MBTD1: variants seen among roughly 807,000 people sequenced by gnomAD.
MBTD1 encodes the protein mbt domain containing 1.
Under a neutral mutation model 87.8 loss-of-function variants are expected in MBTD1, and 24 were observed. The ratio of observed to expected loss-of-function variants is 0.27; its 90% confidence interval spans 0.20 to 0.38. The LOEUF is 0.38. Among genes scored for constraint, MBTD1 ranks in the 10% least tolerant of loss-of-function variants. The probability of loss-of-function intolerance (pLI) is 1.00; values close to 1 mark genes in which losing one functional copy is unlikely to be tolerated. For missense variants in MBTD1, 436 were observed against 760.2 expected (o/e 0.57, Z 5.02); for synonymous variants, 237 against 248.6 (o/e 0.95, Z 0.44).
At chr17:51,192,689 G>C in intron 15 of MBTD1, 93 bp downstream of exon 15, 1 of 1,561,726 alleles carries the variant, frequency 6.4e-7, no homozygotes, top group South Asian at 1.2e-5. Context: ...GTATATTCTT[G>C]TCCTGTGAGC....
intron 2 of MBTD1, among the ~76,000 whole-genome samples, chr17:51,248,692 A>T (rs1057446763): frequency 6.6e-6 from 1 of 152,220 alleles, no homozygotes; most frequent in African/African-American, 2.4e-5. Context: ...TGTTACATGT[A>T]TAAATGGTTT....
chr17:51,188,489 C>T (rs908055657), intron 16 of MBTD1, among the ~76,000 whole-genome samples: 1 of 152,164 alleles, frequency 6.6e-6, no homozygotes, highest in South Asian at 2.1e-4. Flanking sequence ...AGCAACAGAG[C>T]CAGAATATGA....
At chr17:51,235,739 T>C (rs2053794245) in intron 2 of MBTD1, among the ~76,000 whole-genome samples, 1 of 152,200 alleles carries the variant, frequency 6.6e-6, no homozygotes, top group South Asian at 2.1e-4. Flanking sequence ...CTTCCCAAAT[T>C]GATTTATGAT....
chr17:51,206,003 C>G (rs1292175948), intron 7 of MBTD1, among the ~76,000 whole-genome samples: 1 of 152,158 alleles, frequency 6.6e-6, no homozygotes, highest in Non-Finnish European at 1.5e-5. Flanking sequence ...CCCTACTACA[C>G]TACTCACTGA....
chr17:51,251,767 T>C (rs563569466), intron 2 of MBTD1: 1 of 152,358 alleles, frequency 6.6e-6, no homozygotes, highest in South Asian at 2.1e-4. Context: ...AGTTTATTTG[T>C]AAATTCTACA....
At chr17:51,257,707 G>C (rs1156397758) in intron 2 of MBTD1, among the ~76,000 whole-genome samples, 1 of 152,050 alleles carries the variant, frequency 6.6e-6, no homozygotes, top group Non-Finnish European at 1.5e-5. Context: ...TTTAAAGTAA[G>C]CAGGAAAAAA....
intron 2 of MBTD1, among the ~76,000 whole-genome samples, chr17:51,244,731 C>A (rs1002035040): frequency 6.8e-6 from 1 of 147,524 alleles, no homozygotes; most frequent in Non-Finnish European, 1.5e-5. Context: ...TGACATACTT[C>A]CATCTTTTTT....
chr17:51,199,831 T>C (rs1441493553), intron 12 of MBTD1, among the ~76,000 whole-genome samples: 1 of 145,424 alleles, frequency 6.9e-6, no homozygotes, highest in Non-Finnish European at 1.5e-5. Context: ...TCTTTTTTTC[T>C]GTTTTTTTTT....
In MBTD1 at chr17:51,190,750, AAT is replaced by A. The variant is rs1555677186; in HGVS notation, c.1768+1451_1768+1452del. ...AAAAAAAAAAAAAAAAAAAAAAAAA[AAT>A]ATATATATATATATATATAACCTTA... On this transcript the variant is annotated intron_variant, in intron 16 of 16. Coordinates refer to ENST00000586178, the MANE Select transcript of MBTD1 (RefSeq NM_017643.3). Among the ~76,000 whole-genome samples, 255 of 39,712 alleles carry A rather than the reference AAT, an allele frequency of 6.4e-3. 6 individuals are homozygous for A. The highest frequency in any genetic ancestry group is 0.029 in the Middle Eastern group (2 of 70). 26.1% of individuals were successfully genotyped at this position (39,712 alleles called of 152,430 possible). A position where few individuals can be genotyped will look rare whatever the true frequency, so the allele number is the denominator to read the frequency against.
At chr17:51,182,281 T>C (rs1173364668) in intron 16 of MBTD1, among the ~76,000 whole-genome samples, 1 of 152,070 alleles carries the variant, frequency 6.6e-6, no homozygotes, top group Non-Finnish European at 1.5e-5. Context: ...TGTGCCACCA[T>C]GCCTGGCGAA....
chr17:51,194,164 T>C (rs1424717937), intron 13 of MBTD1, among the ~76,000 whole-genome samples: 1 of 152,248 alleles, frequency 6.6e-6, no homozygotes, highest in African/African-American at 2.4e-5. Context: ...TACTATTTTT[T>C]ATAGACCTCT....
intron 6 of MBTD1, among the ~76,000 whole-genome samples, chr17:51,208,325 T>C (rs1019502849): frequency 2.0e-5 from 3 of 152,178 alleles, no homozygotes; most frequent in African/African-American, 7.2e-5. Context: ...CTCAACTATT[T>C]GCGGTTCTGG....
intron 6 of MBTD1, among the ~76,000 whole-genome samples, chr17:51,211,793 A>C (rs1329719692): frequency 1.3e-5 from 2 of 151,826 alleles, no homozygotes; most frequent in Non-Finnish European, 1.5e-5. Context: ...GAAAAAAAAA[A>C]CCAAAAATGA....
intron 2 of MBTD1, among the ~76,000 whole-genome samples, chr17:51,239,988 C>CAT (rs1289769356): frequency 6.6e-6 from 1 of 152,160 alleles, no homozygotes; most frequent in Non-Finnish European, 1.5e-5. Context: ...AGCCCAGGGT[C>CAT]ATATATTTCA....
chr17:51,229,168 A>C (rs2053415766), intron 2 of MBTD1, among the ~76,000 whole-genome samples: 1 of 152,204 alleles, frequency 6.6e-6, no homozygotes, highest in Non-Finnish European at 1.5e-5. Flanking sequence ...TATCTCTACT[A>C]AACAAACAAG....
At chr17:51,219,954 C>T (rs1228526949) in intron 4 of MBTD1, among the ~76,000 whole-genome samples, 1 of 152,068 alleles carries the variant, frequency 6.6e-6, no homozygotes, top group African/African-American at 2.4e-5. Flanking sequence ...GAAAATAAAA[C>T]CAGAGATTAA....
chr17:51,238,993 G>T (rs1220904831), intron 2 of MBTD1, among the ~76,000 whole-genome samples: 1 of 151,942 alleles, frequency 6.6e-6, no homozygotes, highest in African/African-American at 2.4e-5. Context: ...CCAGCTACTC[G>T]GGAGGCAGAG....
At chr17:51,200,841 A>G (rs1198485513) in intron 12 of MBTD1, among the ~76,000 whole-genome samples, 2 of 150,540 alleles carry the variant, frequency 1.3e-5, no homozygotes, top group African/African-American at 2.4e-5. Context: ...TCCAGCCTGG[A>G]TGACAGAGTG....
At chr17:51,237,814 G>A (rs1266904024) in intron 2 of MBTD1, among the ~76,000 whole-genome samples, 1 of 152,120 alleles carries the variant, frequency 6.6e-6, no homozygotes, top group African/African-American at 2.4e-5. Flanking sequence ...AGAAATGAAG[G>A]CATATACCCA....
Sources: gnomAD v4.1 joint callset for allele counts (sites outside exome capture counted in the v4.1 genomes callset) on GRCh38, gnomAD v4.1.1 for gene constraint, MANE v1.5 for transcripts, NCBI Gene and HGNC (gene_info 2026-07-23, HGNC 2026-07-21) for gene names.